The following HPSE2 variants were observed in gnomAD, a reference collection of about 807,000 sequenced individuals.
HPSE2 encodes heparanase 2 (inactive).
Under a neutral mutation model 60.5 loss-of-function variants are expected in HPSE2, and 38 were observed. That is an observed-to-expected ratio of 0.63 (90% CI 0.48 to 0.82). HPSE2 has a LOEUF of 0.82. Among genes scored for constraint, HPSE2 ranks in the 40% least tolerant of loss-of-function variants. HPSE2 has a pLI of 0.00. For missense variants in HPSE2, 713 were observed against 740.4 expected, an observed-to-expected ratio of 0.96 and a Z score of 0.43; for synonymous variants, 295 against 293.2, an observed-to-expected ratio of 1.01 and a Z score of -0.06.
chr10:98,637,707 C>T lies in HPSE2; in HGVS notation c.1098+4140G>A, dbSNP rs556582340. On this transcript the variant is annotated intron_variant, in intron 7 of 11. Coordinates refer to ENST00000370552, the MANE Select transcript of HPSE2 (RefSeq NM_021828.5). ...TTATCAAGCCACTCCCACATGGCGT[C>T]ATTTTGGTGAAAAATCTGCCCCTTT... 2.0e-5 allele frequency among the ~76,000 whole-genome samples: 3 copies of T among 152,338 alleles called. No individual in the cohort carries two copies. In the South Asian group the frequency reaches 6.2e-4, roughly 32 times the overall value.
At position 99,235,499 on chromosome 10, in the gene HPSE2, AACCCCTGCCTT is replaced by A. The variant is rs750033338; in HGVS notation, c.290+3_290+13del. 1 of 1,613,924 alleles carries A rather than the reference AACCCCTGCCTT, an allele frequency of 6.2e-7. No individual in the cohort carries two copies. The highest frequency in any genetic ancestry group is 8.5e-7 in the Non-Finnish European group (1 of 1,179,928). On this transcript the variant is annotated splice_donor_5th_base_variant and intron_variant, in intron 1 of 11. Transcript: ENST00000370552. ...TAAAAAATTTTAAATGATCCATCGA[AACCCCTGCCTT>A]ACCTTAGGAAATCGAGCCAGCCATC...
chr10:98,600,666 T>C (rs1425878319), intron 9 of HPSE2, among the ~76,000 whole-genome samples: 2 of 151,564 alleles, frequency 1.3e-5, no homozygotes, highest in African/African-American at 4.8e-5. Context: ...TATAAGTGCT[T>C]AATTAAATGC....
At chr10:99,102,353 C>T (rs941906289) in intron 3 of HPSE2, among the ~76,000 whole-genome samples, 6 of 152,144 alleles carry the variant, frequency 3.9e-5, no homozygotes, top group African/African-American at 1.4e-4. Flanking sequence ...ACTATAAACA[C>T]CTCTACGGAA....
At chr10:98,464,591 T>TTG (rs1940447406) in intron 11 of HPSE2, among the ~76,000 whole-genome samples, 1 of 152,232 alleles carries the variant, frequency 6.6e-6, no homozygotes, top group South Asian at 2.1e-4. Context: ...GTGGCCCTTA[T>TTG]TGTAGTGAGT....
upstream of HPSE2, among the ~76,000 whole-genome samples, chr10:99,240,549 T>C (rs2133962988): frequency 6.6e-6 from 1 of 151,916 alleles, no homozygotes; most frequent in South Asian, 2.1e-4. Context: ...TAGCTGGGAC[T>C]ACAGGCACCT....
chr10:99,140,368 G>T (rs938398117), intron 3 of HPSE2, among the ~76,000 whole-genome samples: 2 of 152,188 alleles, frequency 1.3e-5, no homozygotes, highest in African/African-American at 4.8e-5. Context: ...CTTGTGTAAT[G>T]CCATCCATCT....
chr10:99,083,966 CTTTT>C (rs34799799), intron 3 of HPSE2, among the ~76,000 whole-genome samples: 12 of 79,762 alleles, frequency 1.5e-4, no homozygotes, highest in East Asian at 3.9e-4. Context: ...GTGTGAAAGC[CTTTT>C]TTTTTTTTTT....
intron 9 of HPSE2, among the ~76,000 whole-genome samples, chr10:98,527,395 G>A (rs114838380): frequency 1.4e-3 from 215 of 152,124 alleles, no homozygotes; most frequent in Middle Eastern, 6.8e-3. Context: ...CTCCAACCTC[G>A]TTTCCTACCA....
intron 3 of HPSE2, among the ~76,000 whole-genome samples, chr10:98,797,675 C>G (rs563771906): frequency 1.3e-5 from 2 of 151,962 alleles, no homozygotes; most frequent in South Asian, 2.1e-4. Context: ...AACCCCGTCT[C>G]TACTAAAAAA....
At chr10:99,152,875 C>G (rs574356450) in intron 2 of HPSE2, among the ~76,000 whole-genome samples, 2 of 152,258 alleles carry the variant, frequency 1.3e-5, no homozygotes, top group East Asian at 3.9e-4. Flanking sequence ...AGACAGTGGG[C>G]GCGGGTCAGT....
At chr10:98,491,045 C>G (rs1420499287) in intron 9 of HPSE2, among the ~76,000 whole-genome samples, 8 of 152,184 alleles carry the variant, frequency 5.3e-5, no homozygotes, top group Non-Finnish European at 2.9e-5. Flanking sequence ...GTTTATAACT[C>G]ACTGTATAAA....
rs567896456 is a variant in HPSE2 at position 98,938,235 on chromosome 10, C to T, written c.611-194179G>A. 6.6e-4 allele frequency among the ~76,000 whole-genome samples: 96 copies of T among 144,966 alleles called. 8 individuals are homozygous for T. The highest frequency in any genetic ancestry group is 9.8e-4 in the East Asian group (5 of 5,094). On this transcript the variant is annotated intron_variant, in intron 3 of 11. Transcript: ENST00000370552. ...TCACCAGCAACGGAACAAAGCTGGA[C>T]GGAGAATGACTTTGACGAGTTGAGA...
At chr10:98,628,500 T>A (rs535201607) in intron 7 of HPSE2, among the ~76,000 whole-genome samples, 1 of 152,284 alleles carries the variant, frequency 6.6e-6, no homozygotes, top group Non-Finnish European at 1.5e-5. Flanking sequence ...GATGTGCCAA[T>A]GAAGGTTATT....
intron 3 of HPSE2, among the ~76,000 whole-genome samples, chr10:99,036,186 G>T (rs567922886): frequency 6.6e-6 from 1 of 152,278 alleles, no homozygotes; most frequent in East Asian, 1.9e-4. Context: ...CTGCACTCCA[G>T]CCTGGGTGAC....
intron 4 of HPSE2, among the ~76,000 whole-genome samples, chr10:98,726,213 T>C (rs755392381): frequency 8.5e-5 from 13 of 152,132 alleles, no homozygotes; most frequent in Admixed American, 2.6e-4. Context: ...CTATTCACAA[T>C]AGCAAAGACT....
chr10:98,757,049 T>C (rs1054248793), intron 3 of HPSE2, among the ~76,000 whole-genome samples: 5 of 152,160 alleles, frequency 3.3e-5, no homozygotes, highest in Admixed American at 6.5e-5. Flanking sequence ...ATAAATGTGA[T>C]TCATCACATA....
chr10:99,280,077 A>G, the HPSE2 span, among the ~76,000 whole-genome samples: 2 of 152,210 alleles, frequency 1.3e-5, no homozygotes, highest in Non-Finnish European at 2.9e-5. Context: ...CTTTGCCATT[A>G]ACTGTTGTAT....
At chr10:99,268,066 C>G in the HPSE2 span, among the ~76,000 whole-genome samples, 1 of 152,066 alleles carries the variant, frequency 6.6e-6, no homozygotes, top group African/African-American at 2.4e-5. Context: ...TACCAGGTAA[C>G]CTATAAAGGA....
intron 3 of HPSE2, among the ~76,000 whole-genome samples, chr10:99,012,328 G>A (rs1339780467): frequency 1.3e-5 from 2 of 151,990 alleles, no homozygotes; most frequent in Non-Finnish European, 2.9e-5. Context: ...GTAATACTAA[G>A]CCAAGAATCT....
Sources: allele counts gnomAD v4.1 joint callset (sites outside exome capture counted in the v4.1 genomes callset), GRCh38; gene constraint gnomAD v4.1.1; transcripts MANE v1.5; gene names NCBI Gene and HGNC (gene_info 2026-07-23, HGNC 2026-07-21).